The following RALGPS1 variants were observed in gnomAD, a reference collection of about 807,000 sequenced individuals.
RALGPS1 encodes the protein ras-specific guanine nucleotide-releasing factor RalGPS1.
RALGPS1 carries 19 observed loss-of-function variants against 78.8 expected under a neutral mutation model. That is an observed-to-expected ratio of 0.24 (90% CI 0.17 to 0.35). RALGPS1 has a LOEUF of 0.35. Among genes scored for constraint, RALGPS1 ranks in the 10% least tolerant of loss-of-function variants. The probability of loss-of-function intolerance (pLI) is 1.00; values close to 1 mark genes in which losing one functional copy is unlikely to be tolerated. For synonymous variants in RALGPS1, 228 were observed against 256.3 expected (o/e 0.89, Z 1.06); for missense variants, 454 against 688.3 (o/e 0.66, Z 3.81).
intron 8 of RALGPS1, among the ~76,000 whole-genome samples, chr9:127,084,882 AG>A (rs2051545030): frequency 6.6e-6 from 1 of 152,204 alleles, no homozygotes; most frequent in Non-Finnish European, 1.5e-5. Context: ...TACACTTAAA[AG>A]CTTCCCTTTT....
chr9:127,022,434 C>T (rs2045548560), intron 4 of RALGPS1, among the ~76,000 whole-genome samples: 2 of 151,834 alleles, frequency 1.3e-5, no homozygotes, highest in Non-Finnish European at 2.9e-5. Context: ...GGCATCAGGG[C>T]AATACAGCCT....
chr9:127,157,049 G>T (rs767913390), intron 8 of RALGPS1, among the ~76,000 whole-genome samples: 1 of 151,844 alleles, frequency 6.6e-6, no homozygotes, highest in Non-Finnish European at 1.5e-5. Flanking sequence ...TGTATGTATT[G>T]CTGGGCTCCC....
intron 14 of RALGPS1, among the ~76,000 whole-genome samples, chr9:127,203,405 A>C (rs1370357851): frequency 6.6e-6 from 1 of 152,220 alleles, no homozygotes; most frequent in Non-Finnish European, 1.5e-5. Flanking sequence ...CACAAAGTTG[A>C]TTACGAAACC....
In RALGPS1 at chr9:126,976,313, TCACA is replaced by T. The variant is rs33925120; in HGVS notation, c.166-1366_166-1363del. The stretch of plus-strand genomic sequence containing the variant: ...ACCCCCTTACACTCAACACTCATTC[TCACA>T]CACACACACACACACTTTCATATAC... On this transcript the variant is annotated intron_variant, in intron 3 of 18. Coordinates refer to ENST00000259351, the MANE Select transcript of RALGPS1 (RefSeq NM_014636.3). 3.3e-3 allele frequency among the ~76,000 whole-genome samples: 498 copies of T among 150,462 alleles called. 3 individuals carry two copies. Among genetic ancestry groups the T allele is most frequent in the Non-Finnish European group, 3.5e-3 (234 of 67,598 alleles).
At position 126,937,352 on chromosome 9, in the gene RALGPS1, T is replaced by C. The variant is rs368852164; in HGVS notation, c.-66+22377T>C. 2.7e-3 allele frequency among the ~76,000 whole-genome samples: 414 copies of C among 152,278 alleles called. 1 individual carries two copies. Among genetic ancestry groups the C allele is most frequent in the African/African-American group, 9.3e-3 (387 of 41,572 alleles). ...AAGGATGAGAGAGTGGGGAAACAAG[T>C]GCACTTAAACATAGGGCACACAGAA... On this transcript the variant is annotated intron_variant, in intron 1 of 18. Coordinates refer to ENST00000259351, the MANE Select transcript of RALGPS1 (RefSeq NM_014636.3).
At chr9:127,118,127 T>C (rs1005295189) in intron 8 of RALGPS1, among the ~76,000 whole-genome samples, 2 of 152,188 alleles carry the variant, frequency 1.3e-5, no homozygotes, top group African/African-American at 2.4e-5. Flanking sequence ...CGATCTCAGC[T>C]CACTGCAACC....
At chr9:127,077,186 C>T (rs930355387) in intron 8 of RALGPS1, among the ~76,000 whole-genome samples, 2 of 152,160 alleles carry the variant, frequency 1.3e-5, no homozygotes, top group African/African-American at 4.8e-5. Flanking sequence ...CTCACCTTGG[C>T]TGCAGCAAGT....
intron 11 of RALGPS1, chr9:127,178,163 A>G (rs1588363615): frequency 1.7e-6 from 1 of 588,492 alleles, no homozygotes; most frequent in Non-Finnish European, 2.7e-6. Context: ...AGGGAGGGGG[A>G]AGCAGGAGCG....
chr9:127,222,584 G>GT lies in RALGPS1; in HGVS notation c.*3816dup, dbSNP rs2062801463. ...CCTTGCAGCCGTATGCTGCACAAGC[G>GT]TGTACACCCCCTGGGCAGCCTCAAA... On this transcript the variant is annotated 3_prime_UTR_variant, in exon 19 of 19. Coordinates refer to ENST00000259351, the MANE Select transcript of RALGPS1 (RefSeq NM_014636.3). The GT allele has an allele frequency of 6.6e-6, 1 of 152,388 alleles. No homozygotes were observed. The highest frequency in any genetic ancestry group is 1.5e-5 in the Non-Finnish European group (1 of 68,048). The allele number at this position is 152,388 out of a possible 1,614,324, so 9.4% of individuals were successfully genotyped here.
intron 1 of RALGPS1, among the ~76,000 whole-genome samples, chr9:126,944,907 G>T (rs1227288568): frequency 6.6e-6 from 1 of 152,168 alleles, no homozygotes; most frequent in East Asian, 1.9e-4. Flanking sequence ...TATCAGCTGA[G>T]CCTTGGTGGA....
intron 5 of RALGPS1, among the ~76,000 whole-genome samples, chr9:127,037,682 C>G (rs1001876769): frequency 1.3e-5 from 2 of 152,220 alleles, no homozygotes; most frequent in Admixed American, 1.3e-4. Context: ...TGCAGGATGG[C>G]TAGCAACAAT....
chr9:127,153,538 GGTCCTCA>G (rs2139161442), intron 8 of RALGPS1, among the ~76,000 whole-genome samples: 1 of 152,202 alleles, frequency 6.6e-6, no homozygotes, highest in African/African-American at 2.4e-5. Context: ...GAATGTGGGA[GGTCCTCA>G]GTGAGTATTT....
intron 8 of RALGPS1, among the ~76,000 whole-genome samples, chr9:127,109,023 G>A (rs1159736795): frequency 6.6e-6 from 1 of 152,150 alleles, no homozygotes; most frequent in African/African-American, 2.4e-5. Flanking sequence ...AAGGCAGGAG[G>A]CCATGGCCCT....
intron 8 of RALGPS1, among the ~76,000 whole-genome samples, chr9:127,115,497 T>G (rs1266295977): frequency 1.3e-5 from 2 of 152,214 alleles, no homozygotes; most frequent in Non-Finnish European, 2.9e-5. Flanking sequence ...GAGAAAGGTA[T>G]TATATCTGCA....
At chr9:127,073,318 T>C (rs1386727563) in intron 8 of RALGPS1, among the ~76,000 whole-genome samples, 1 of 152,168 alleles carries the variant, frequency 6.6e-6, no homozygotes, top group Non-Finnish European at 1.5e-5. Flanking sequence ...CTAGCACATA[T>C]GAGTGAGAAC....
At chr9:127,103,994 C>T (rs542805156) in intron 8 of RALGPS1, among the ~76,000 whole-genome samples, 12 of 152,296 alleles carry the variant, frequency 7.9e-5, no homozygotes, top group African/African-American at 2.4e-4. Flanking sequence ...CTCTATGAAC[C>T]TCAATATCCT....
chr9:127,210,252 G>A (rs890361178), intron 14 of RALGPS1, among the ~76,000 whole-genome samples: 15 of 152,330 alleles, frequency 9.8e-5, no homozygotes, highest in African/African-American at 3.6e-4. Context: ...AGAAGGCTCC[G>A]GTTGTGTCCT....
chr9:127,026,915 C>T (rs960975732), intron 4 of RALGPS1, among the ~76,000 whole-genome samples: 2 of 152,200 alleles, frequency 1.3e-5, no homozygotes, highest in Non-Finnish European at 2.9e-5. Context: ...TTAATTCTCC[C>T]ATCCCACTTT....
At chr9:127,160,958 G>T (rs2058985848) in intron 8 of RALGPS1, among the ~76,000 whole-genome samples, 1 of 152,212 alleles carries the variant, frequency 6.6e-6, no homozygotes, top group South Asian at 2.1e-4. Flanking sequence ...TTACTGTCAG[G>T]GTTGTTTCCC....
Sources: allele counts gnomAD v4.1 joint callset (sites outside exome capture counted in the v4.1 genomes callset), GRCh38; gene constraint gnomAD v4.1.1; transcripts MANE v1.5; gene names NCBI Gene and HGNC (gene_info 2026-07-23, HGNC 2026-07-21).